FAM53A: variants seen among roughly 807,000 people sequenced by gnomAD.
The protein encoded by FAM53A is family with sequence similarity 53 member A, also known as protein FAM53A.
In FAM53A, 28 loss-of-function variants were observed where a neutral mutation model predicts 26.6. That is an observed-to-expected ratio of 1.05 (90% confidence interval 0.78 to 1.45). The LOEUF (loss-of-function observed/expected upper bound fraction) is 1.45. Ranked by LOEUF, FAM53A falls within the 40% of genes most tolerant of loss-of-function variation. FAM53A has a pLI of 0.00. For missense variants in FAM53A, 650 were observed against 575.8 expected, an observed-to-expected ratio of 1.13 and a Z score of -1.32; for synonymous variants, 290 against 253.1, an observed-to-expected ratio of 1.15 and a Z score of -1.38.
chr4:1,654,109 A>T (rs1050347035), intron 4 of FAM53A, among the ~76,000 whole-genome samples: 1 of 152,038 alleles, frequency 6.6e-6, no homozygotes, highest in Non-Finnish European at 1.5e-5. Flanking sequence ...ATCCCGCCCC[A>T]CCCTAGCCAC....
intron 4 of FAM53A, chr4:1,644,645 G>A (rs1712076360): frequency 5.6e-6 from 2 of 356,114 alleles, no homozygotes; most frequent in East Asian, 9.4e-5. Context: ...ACTTCCATCT[G>A]AGGTTAAACA....
chr4:1,575,474 G>C, the FAM53A span, among the ~76,000 whole-genome samples: 2 of 152,188 alleles, frequency 1.3e-5, no homozygotes, highest in Non-Finnish European at 2.9e-5. Flanking sequence ...GGGAAAGAAA[G>C]GCAGTGACAG....
chr4:1,656,829 A>C (rs972258717), intron 3 of FAM53A, among the ~76,000 whole-genome samples: 1 of 152,168 alleles, frequency 6.6e-6, no homozygotes, highest in Non-Finnish European at 1.5e-5. Context: ...GGCGTGTCAC[A>C]GTCAGGTAAG....
At chr4:1,642,005 C>A (rs531552115) in intron 4 of FAM53A, among the ~76,000 whole-genome samples, 1 of 152,136 alleles carries the variant, frequency 6.6e-6, no homozygotes. Flanking sequence ...AGAGAGGGTG[C>A]CTTGTGCCTC....
chr4:1,610,429 C>T, the FAM53A span, among the ~76,000 whole-genome samples: 4 of 152,176 alleles, frequency 2.6e-5, no homozygotes, highest in Non-Finnish European at 5.9e-5. Flanking sequence ...GATGCCCAGG[C>T]GTGGTGCAGG....
chr4:1,633,183 C>A (rs2108778889), intron 1 of FAM53A, among the ~76,000 whole-genome samples: 1 of 152,358 alleles, frequency 6.6e-6, no homozygotes, highest in Non-Finnish European at 1.5e-5. Flanking sequence ...CATGCTCACA[C>A]ACACGAGCGC....
intron 1 of FAM53A, among the ~76,000 whole-genome samples, chr4:1,625,653 G>A (rs1227853738): frequency 1.6e-5 from 2 of 121,388 alleles, no homozygotes; most frequent in Admixed American, 8.1e-5. Context: ...AAGGCCCCAC[G>A]TCCCGACCCA....
chr4:1,668,486 G>A (rs766899857), intron 2 of FAM53A, among the ~76,000 whole-genome samples, 181 bp downstream of exon 2: 6 of 152,026 alleles, frequency 3.9e-5, no homozygotes, highest in Non-Finnish European at 5.9e-5. Flanking sequence ...GTGAAAATCC[G>A]CTGTGATTAC....
chr4:1,637,419 C>T (rs1001373717), downstream of FAM53A, among the ~76,000 whole-genome samples: 3 of 152,038 alleles, frequency 2.0e-5, no homozygotes, highest in Admixed American at 1.3e-4. Flanking sequence ...GGCCAGCCCT[C>T]GAGGGACAGA....
chr4:1,580,286 C>T, the FAM53A span: 46 of 152,270 alleles, frequency 3.0e-4, no homozygotes, highest in African/African-American at 1.1e-3. Context: ...GCAGCCTCGC[C>T]CCAGGGACCC....
At chr4:1,643,549 G>C (rs1711951281) in intron 4 of FAM53A, among the ~76,000 whole-genome samples, 1 of 150,576 alleles carries the variant, frequency 6.6e-6, no homozygotes, top group Admixed American at 6.7e-5. Flanking sequence ...TCACTGAGAA[G>C]TAAAATTCTA....
the FAM53A span, among the ~76,000 whole-genome samples, chr4:1,589,808 A>G: frequency 6.6e-6 from 1 of 151,994 alleles, no homozygotes; most frequent in African/African-American, 2.4e-5. Context: ...TGTCATCAGT[A>G]TTGCCTGTCT....
intron 1 of FAM53A, among the ~76,000 whole-genome samples, chr4:1,669,910 G>A (rs911601138): frequency 6.6e-6 from 1 of 152,178 alleles, no homozygotes; most frequent in African/African-American, 2.4e-5. Context: ...CTCAGCTGCC[G>A]CCCGGCTTCA....
At chr4:1,641,984 G>A (rs62286253) in intron 4 of FAM53A, among the ~76,000 whole-genome samples, 31,665 of 152,118 alleles carry the variant, frequency 0.21, 3,771 homozygotes, top group Middle Eastern at 0.29. Context: ...TCCTTGGCAG[G>A]TGGCCTGTCC....
chr4:1,602,013 G>C, the FAM53A span, among the ~76,000 whole-genome samples: 2 of 149,276 alleles, frequency 1.3e-5, no homozygotes, highest in Non-Finnish European at 3.0e-5. Flanking sequence ...GAGGTAGGAC[G>C]GGGGAGGTGG....
At chr4:1,610,061 C>A in the FAM53A span, among the ~76,000 whole-genome samples, 19 of 152,096 alleles carry the variant, frequency 1.2e-4, no homozygotes, top group African/African-American at 3.9e-4. Flanking sequence ...GGCTTTGTGG[C>A]GGCCCCCGAG....
intron 4 of FAM53A, among the ~76,000 whole-genome samples, chr4:1,652,406 GACAC>G (rs1455087513): frequency 1.3e-5 from 1 of 76,654 alleles, no homozygotes; most frequent in Admixed American, 1.3e-4. Flanking sequence ...ACACACACCA[GACAC>G]ACACACGCCA....
chr4:1,664,576 G>A lies in FAM53A; in HGVS notation c.75+4091C>T, dbSNP rs1266979790. ...TCCTTGAATGTTAGAAGTAACTTGT[G>A]TTTAGATATTCAGTTGACATGGGAG... On this transcript the variant is annotated intron_variant, in intron 2 of 4. Transcript: ENST00000308132. Among the ~76,000 whole-genome samples, 4 of 152,214 alleles carry A rather than the reference G, an allele frequency of 2.6e-5. No homozygotes were observed. The South Asian group carries it at 6.2e-4, about 24-fold the overall frequency.
At chr4:1,650,412 G>C (rs1712672975) in intron 4 of FAM53A, among the ~76,000 whole-genome samples, 1 of 150,126 alleles carries the variant, frequency 6.7e-6, no homozygotes, top group Non-Finnish European at 1.5e-5. Flanking sequence ...CGTGGTGTTT[G>C]ACTGTGAGGT....
Sources: allele counts gnomAD v4.1 joint callset (sites outside exome capture counted in the v4.1 genomes callset), GRCh38; gene constraint gnomAD v4.1.1; transcripts MANE v1.5; gene names NCBI Gene and HGNC (gene_info 2026-07-23, HGNC 2026-07-21).